HEG1: variants seen among roughly 807,000 people sequenced by gnomAD.
HEG1 encodes the protein protein HEG homolog 1.
Under a neutral mutation model 125.6 loss-of-function variants are expected in HEG1, and 56 were observed. The ratio of observed to expected loss-of-function variants is 0.45; its 90% CI spans 0.36 to 0.56. The LOEUF (loss-of-function observed/expected upper bound fraction) is 0.56, where lower values mean the gene tolerates loss of function less well. Among genes scored for constraint, HEG1 ranks in the 20% least tolerant of loss-of-function variants. The pLI is 0.00. For synonymous variants in HEG1, 644 were observed against 668.5 expected (o/e 0.96, Z 0.57); for missense variants, 1,523 against 1,670.0 (o/e 0.91, Z 1.53).
Position 125,019,526 on chromosome 3 carries a change from C to A in HEG1, c.1324G>T (p.Val442Leu). 6.2e-7 allele frequency: 1 copy of A among 1,613,672 alleles called. No homozygotes were observed. Among genetic ancestry groups the A allele is most frequent in the South Asian group, 1.1e-5 (1 of 91,076 alleles). Residue 442 changes from valine (V) to leucine (L), a missense_variant, in exon 5 of 17, where the codon GTG becomes TTG. Coordinates refer to ENST00000311127, the MANE Select transcript of HEG1 (RefSeq NM_020733.2). ...NGSPMSQTET[V>L]SRSVAPMRGG... ...CTCATGGGTGCGACTGACCTAGACA[C>A]AGTCTCAGTCTGAGACATGGGACTT...
chr3:124,996,505 T>C (rs1337189649), intron 12 of HEG1, among the ~76,000 whole-genome samples: 3 of 152,152 alleles, frequency 2.0e-5, no homozygotes, highest in South Asian at 4.2e-4. Flanking sequence ...ACATGCTGTG[T>C]CCTAGTCACA....
chr3:125,055,631 G>A lies in HEG1; in HGVS notation c.260C>T (p.Pro87Leu). 6 of 1,200,622 alleles carry A rather than the reference G, an allele frequency of 5.0e-6. No homozygotes were observed. The highest frequency in any genetic ancestry group is 6.2e-6 in the Non-Finnish European group (6 of 967,692). The allele number at this position is 1,200,622 out of a possible 1,614,324, so 74.4% of individuals were successfully genotyped here. ...TPGPSYRAPE[P>L]GAATQRGPSG... ...GGGTCCCCGCTGTGTCGCGGCGCCT[G>A]GCTCAGGGGCCCTGTAGCTGGGGCC... is the stretch of plus-strand genomic sequence containing the variant. Residue 87 changes from proline to leucine, a missense_variant, in exon 1 of 17, where the codon CCA (proline) becomes CTA (leucine). Transcript: ENST00000311127.
At chr3:125,048,306 T>C (rs11922672) in intron 1 of HEG1, among the ~76,000 whole-genome samples, 3,830 of 152,322 alleles carry the variant, frequency 0.025, 95 homozygotes, top group East Asian at 0.12. Flanking sequence ...TACCATGTGG[T>C]GGTGCAGACC....
intron 1 of HEG1, among the ~76,000 whole-genome samples, chr3:125,040,126 G>T (rs1197731761): frequency 6.6e-6 from 1 of 152,186 alleles, no homozygotes; most frequent in African/African-American, 2.4e-5. Flanking sequence ...TGAGGAACAA[G>T]AAAAGTCTGT....
Position 125,055,753 on chromosome 3 carries a change from G to A in HEG1, c.138C>T (p.Pro46=), listed in dbSNP as rs1937924512. 9.9e-7 allele frequency: 1 copy of A among 1,013,272 alleles called. No individual in the cohort carries two copies. Among genetic ancestry groups the A allele is most frequent in the Non-Finnish European group, 1.2e-6 (1 of 849,968 alleles). The allele number at this position is 1,013,272 out of a possible 1,614,324, so 62.8% of individuals were successfully genotyped here. A position where few individuals can be genotyped will look rare whatever the true frequency, so the allele number is the denominator to read the frequency against. ...GCAGCTCCAGCCCCGCTCCCGCGAGGGGCGCCAGGCTCAGCGCGCGGCGAG... is the reference window on the plus strand; with the variant it reads ...GCAGCTCCAGCCCCGCTCCCGCGAGAGGCGCCAGGCTCAGCGCGCGGCGAG... The part of the protein sequence containing the change: ...SPARRALSLA[P]LAGAGLELQL... The change falls in exon 1 of 17, where the codon CCC becomes CCT. Residue 46 remains proline (P), a synonymous_variant. Transcript: ENST00000311127.
intron 9 of HEG1, among the ~76,000 whole-genome samples, 188 bp from the exon 10 acceptor site, chr3:125,002,503 C>A (rs1353257706): frequency 6.6e-6 from 1 of 152,108 alleles, no homozygotes; most frequent in Non-Finnish European, 1.5e-5. Context: ...TCCATGAGTA[C>A]AAAGAGAAAG....
intron 16 of HEG1, among the ~76,000 whole-genome samples, chr3:124,971,531 C>T (rs545889172): frequency 6.6e-6 from 1 of 151,160 alleles, no homozygotes; most frequent in African/African-American, 2.4e-5. Flanking sequence ...CTCACTCTGT[C>T]GCCAGGCCGG....
intron 14 of HEG1, among the ~76,000 whole-genome samples, chr3:124,984,667 G>A (rs1346777046): frequency 6.6e-6 from 1 of 152,054 alleles, no homozygotes; most frequent in Non-Finnish European, 1.5e-5. Flanking sequence ...GCTGAGGTAG[G>A]AGAATCCCTT....
At chr3:125,005,948 T>C (rs1192387545) in intron 8 of HEG1, among the ~76,000 whole-genome samples, 1 of 152,224 alleles carries the variant, frequency 6.6e-6, no homozygotes. Flanking sequence ...ATTCCCATTT[T>C]ATCATTGATA....
At chr3:124,987,924 T>TACACAC (rs67009322) in intron 14 of HEG1, among the ~76,000 whole-genome samples, 1,723 of 67,646 alleles carry the variant, frequency 0.025, 147 homozygotes, top group African/African-American at 0.081. Context: ...TATATATGTG[T>TACACAC]ACACACACAC....
chr3:124,973,649 C>T, intron 16 of HEG1, 82 bp downstream of exon 16: 1 of 1,133,168 alleles, frequency 8.8e-7, no homozygotes, highest in Non-Finnish European at 1.3e-6. Context: ...AACTGTAATG[C>T]TTTTACTACA....
Position 124,997,775 on chromosome 3 carries a change from G to A in HEG1, c.3566C>T (p.Ser1189Phe), listed in dbSNP as rs892225743. Residue 1189 changes from serine to phenylalanine, a missense_variant, in exon 12 of 17, where the codon TCC (serine) becomes TTC (phenylalanine). Ser to Phe is a radical substitution (Grantham distance 155). Transcript: ENST00000311127. ...AACGCCGTCCAGGTCAGTGCAGATG[G>A]AGGTGTCTTTGTCACATTCGGGACT... ...RKSPECDKDT[S>F]ICTDLDGVAL... 3.8e-6 allele frequency: 6 copies of A among 1,597,592 alleles called. No homozygotes were observed. Among genetic ancestry groups the A allele is most frequent in the Non-Finnish European group, 3.4e-6 (4 of 1,169,270 alleles).
At chr3:125,003,974 G>A (rs1937036106) in intron 9 of HEG1, among the ~76,000 whole-genome samples, 1 of 152,196 alleles carries the variant, frequency 6.6e-6, no homozygotes, top group Admixed American at 6.5e-5. Context: ...GGCGATCTTG[G>A]GGATGCCTGA....
Position 125,013,151 on chromosome 3 carries a change from T to A in HEG1, c.2428A>T (p.Thr810Ser). Reference sequence around the variant, plus strand: ...GATGGAGGCAAAGGAGAGTTTGTTGTTACAGCTTTGGTGGACTCTGTGGGC... The same window carrying A: ...GATGGAGGCAAAGGAGAGTTTGTTGATACAGCTTTGGTGGACTCTGTGGGC... ...SLPTESTKAV[T>S]TNSPLPPSLT... is the part of the protein sequence containing the mutation. The change falls in exon 6 of 17, where the codon ACA becomes TCA. Residue 810 changes from threonine to serine, a missense_variant. Physicochemically the swap from Thr to Ser is moderately conservative, Grantham distance 58 (BLOSUM62 1). Coordinates refer to ENST00000311127, the MANE Select transcript of HEG1 (RefSeq NM_020733.2). The A allele has an allele frequency of 6.2e-7, 1 of 1,614,022 alleles. No individual in the cohort carries two copies. The highest frequency in any genetic ancestry group is 8.5e-7 in the Non-Finnish European group (1 of 1,179,884).
rs1428884613 is a variant in HEG1, at chr3:125,016,012, G to A, written c.1589-2022C>T. Among the ~76,000 whole-genome samples, 10 of 152,278 alleles carry A rather than the reference G, an allele frequency of 6.6e-5. No individual in the cohort carries two copies. The South Asian group carries it at 1.4e-3, about 22-fold the overall frequency. ...AAAGCCAGAAGCCAGACAGAGATGC[G>A]ACTCAAGCCAGTCTGAAGGGCTCAA... is the stretch of plus-strand genomic sequence containing the variant. On this transcript the variant is annotated intron_variant, in intron 5 of 16. Transcript: ENST00000311127.
In HEG1 at chr3:124,965,929, G is replaced by A. The variant is rs1936300616; in HGVS notation, c.*4723C>T. Reference sequence around the variant, plus strand: ...GCTAAGGTTTAAAGGTTTACAAAGAGAAATCCAGGACAACATGAAAACTCC... The same window carrying A: ...GCTAAGGTTTAAAGGTTTACAAAGAAAAATCCAGGACAACATGAAAACTCC... On this transcript the variant is annotated 3_prime_UTR_variant, in exon 17 of 17. Coordinates refer to ENST00000311127, the MANE Select transcript of HEG1 (RefSeq NM_020733.2). The A allele has an allele frequency of 6.6e-6, 1 of 152,118 alleles. No homozygotes were observed. Among genetic ancestry groups the A allele is most frequent in the Non-Finnish European group, 1.5e-5 (1 of 68,016 alleles). The allele number at this position is 152,118 out of a possible 1,614,324, so 9.4% of individuals were successfully genotyped here.
At chr3:125,052,108 C>A (rs1283117105) in intron 1 of HEG1, among the ~76,000 whole-genome samples, 1 of 147,260 alleles carries the variant, frequency 6.8e-6, no homozygotes, top group South Asian at 2.2e-4. Context: ...AACACTCATG[C>A]ACCACGGAGA....
chr3:124,997,980 C>A (rs1307604418), intron 11 of HEG1, among the ~76,000 whole-genome samples, 157 bp from the exon 12 acceptor site: 3 of 152,246 alleles, frequency 2.0e-5, no homozygotes, highest in Non-Finnish European at 4.4e-5. Context: ...CAACACTCCT[C>A]TCAGGAGTCC....
chr3:125,049,143 A>G (rs894477937), intron 1 of HEG1, among the ~76,000 whole-genome samples: 32 of 152,264 alleles, frequency 2.1e-4, no homozygotes, highest in Middle Eastern at 3.4e-3. Flanking sequence ...ACAGTTCAGA[A>G]TGGAGGCCAG....
Sources: allele counts gnomAD v4.1 joint callset (sites outside exome capture counted in the v4.1 genomes callset), GRCh38; gene constraint gnomAD v4.1.1; transcripts MANE v1.5; gene names NCBI Gene and HGNC (gene_info 2026-07-23, HGNC 2026-07-21).